Variants in L3MBTL4 observed in about 807,000 individuals in gnomAD.
The protein encoded by L3MBTL4 is L3MBTL histone methyl-lysine binding protein 4.
A neutral mutation model predicts 84.5 loss-of-function variants in L3MBTL4; 70 were observed. The observed-to-expected ratio is 0.83, with a 90% CI of 0.68 to 1.01. The LOEUF is 1.01. Among genes scored for constraint, L3MBTL4 ranks in the 50% least tolerant of loss-of-function variants. The probability of loss-of-function intolerance (pLI) is 0.00; values close to 1 mark genes in which losing one functional copy is unlikely to be tolerated. For synonymous variants in L3MBTL4, 274 were observed against 259.8 expected (o/e 1.05, Z -0.52); for missense variants, 715 against 754.8 (o/e 0.95, Z 0.62).
intron 10 of L3MBTL4, among the ~76,000 whole-genome samples, chr18:6,222,577 A>G (rs1180497016): frequency 2.6e-5 from 4 of 152,120 alleles, no homozygotes; most frequent in Non-Finnish European, 1.5e-5. Flanking sequence ...TCTGTCTCTC[A>G]ATACTTAAGA....
chr18:5,996,885 A>G (rs894416668), intron 16 of L3MBTL4, among the ~76,000 whole-genome samples: 1 of 152,158 alleles, frequency 6.6e-6, no homozygotes, highest in African/African-American at 2.4e-5. Context: ...AAAACCACCA[A>G]TATCAAAAGT....
chr18:6,073,951 C>T (rs2057774529), intron 16 of L3MBTL4, among the ~76,000 whole-genome samples: 1 of 152,160 alleles, frequency 6.6e-6, no homozygotes, highest in Non-Finnish European at 1.5e-5. Context: ...CTTTTCCATT[C>T]CTTGGTAAAC....
chr18:6,342,276 T>C (rs1015134447), intron 1 of L3MBTL4, among the ~76,000 whole-genome samples: 1 of 152,208 alleles, frequency 6.6e-6, no homozygotes, highest in Non-Finnish European at 1.5e-5. Flanking sequence ...ACTTTTACTC[T>C]ACTATAAAAG....
chr18:6,014,729 G>A (rs925182710), intron 16 of L3MBTL4, among the ~76,000 whole-genome samples: 2 of 152,054 alleles, frequency 1.3e-5, no homozygotes, highest in African/African-American at 4.8e-5. Flanking sequence ...GAGGACAAAG[G>A]GTTTTGTTAA....
rs1354396883 is a variant in L3MBTL4 at position 5,955,842 on chromosome 18, T to G, written c.*378A>C. 1 of 167,982 alleles carries G rather than the reference T, an allele frequency of 6.0e-6. No homozygotes were observed. The highest frequency in any genetic ancestry group is 2.4e-5 in the African/African-American group (1 of 41,920). The allele number at this position is 167,982 out of a possible 1,614,324, so 10.4% of individuals were successfully genotyped here. On this transcript the variant is annotated 3_prime_UTR_variant, in exon 19 of 19. Transcript: ENST00000317931. ...ACATTAACGATGTATTCATGAACAC[T>G]GCTTTTCTAATATTTCACCACTTGA...
chr18:6,106,798 A>G (rs1409446322), intron 14 of L3MBTL4, among the ~76,000 whole-genome samples: 1 of 152,184 alleles, frequency 6.6e-6, no homozygotes, highest in African/African-American at 2.4e-5. Context: ...ATTTTGGTTA[A>G]AGTCAGGATT....
intron 14 of L3MBTL4, among the ~76,000 whole-genome samples, chr18:6,123,291 A>T (rs1363155758): frequency 6.6e-6 from 1 of 152,156 alleles, no homozygotes; most frequent in African/African-American, 2.4e-5. Context: ...TTATGTTGTG[A>T]TGTATCTCTT....
intron 3 of L3MBTL4, among the ~76,000 whole-genome samples, chr18:6,309,368 G>A (rs2050728516): frequency 6.6e-6 from 1 of 152,170 alleles, no homozygotes; most frequent in African/African-American, 2.4e-5. Flanking sequence ...TGGACTAAAT[G>A]TGCATCTTTT....
intron 1 of L3MBTL4, among the ~76,000 whole-genome samples, chr18:6,362,465 G>A (rs2144039044): frequency 6.6e-6 from 1 of 152,298 alleles, no homozygotes; most frequent in African/African-American, 2.4e-5. Context: ...CTCTCTGCTG[G>A]AAAACTGCTC....
At chr18:6,007,279 G>A (rs542393837) in intron 16 of L3MBTL4, among the ~76,000 whole-genome samples, 1 of 151,198 alleles carries the variant, frequency 6.6e-6, no homozygotes, top group Non-Finnish European at 1.5e-5. Flanking sequence ...AAACTAACGT[G>A]GCAACAGAAA....
At chr18:6,248,676 C>CA (rs1301455627) in intron 5 of L3MBTL4, among the ~76,000 whole-genome samples, 1 of 152,160 alleles carries the variant, frequency 6.6e-6, no homozygotes, top group African/African-American at 2.4e-5. Context: ...CTTTCTCACA[C>CA]AAAAGGCAGC....
intron 12 of L3MBTL4, among the ~76,000 whole-genome samples, chr18:6,191,772 G>T (rs2045104928): frequency 6.6e-6 from 1 of 152,094 alleles, no homozygotes; most frequent in Non-Finnish European, 1.5e-5. Flanking sequence ...ATGATTGCTT[G>T]AGTCCAGGAG....
intron 10 of L3MBTL4, 78 bp from the exon 11 acceptor site, chr18:6,215,913 A>G (rs998454759): frequency 4.0e-5 from 29 of 725,910 alleles, no homozygotes; most frequent in Non-Finnish European, 6.5e-5. Context: ...ACGTTGGATG[A>G]TATGACACCT....
chr18:6,132,320 T>C (rs1598855272), intron 14 of L3MBTL4, among the ~76,000 whole-genome samples: 1 of 152,248 alleles, frequency 6.6e-6, no homozygotes, highest in Non-Finnish European at 1.5e-5. Flanking sequence ...AGATAGATGC[T>C]AGCTGCAGGT....
At chr18:6,015,994 G>A (rs891498562) in intron 16 of L3MBTL4, among the ~76,000 whole-genome samples, 2 of 152,124 alleles carry the variant, frequency 1.3e-5, no homozygotes, top group East Asian at 1.9e-4. Flanking sequence ...TTCACAACTC[G>A]GTGCAGTCTC....
chr18:6,106,726 C>T (rs1343134780), intron 14 of L3MBTL4, among the ~76,000 whole-genome samples: 6 of 152,200 alleles, frequency 3.9e-5, no homozygotes. Context: ...TAAAGCTGCA[C>T]CTACCCAGTC....
intron 13 of L3MBTL4, among the ~76,000 whole-genome samples, chr18:6,165,361 T>C (rs556283997): frequency 2.9e-4 from 44 of 152,058 alleles, no homozygotes; most frequent in Non-Finnish European, 5.3e-4. Flanking sequence ...AGAAGAGCAA[T>C]TCCAAGACAC....
At chr18:6,301,805 T>C in intron 4 of L3MBTL4, 98 bp downstream of exon 4, 1 of 890,920 alleles carries the variant, frequency 1.1e-6, no homozygotes, top group African/African-American at 1.6e-5. Context: ...TTATCACATA[T>C]TTTAATTAAT....
intron 16 of L3MBTL4, among the ~76,000 whole-genome samples, chr18:6,012,751 C>T (rs1362841645): frequency 6.6e-6 from 1 of 151,978 alleles, no homozygotes; most frequent in African/African-American, 2.4e-5. Context: ...CCAGCCTACA[C>T]CACAGAGCAA....
Sources: allele counts gnomAD v4.1 joint callset (sites outside exome capture counted in the v4.1 genomes callset), GRCh38; gene constraint gnomAD v4.1.1; transcripts MANE v1.5; gene names NCBI Gene and HGNC (gene_info 2026-07-23, HGNC 2026-07-21).